SMIM41: variants seen among roughly 807,000 people sequenced by gnomAD.
SMIM41 encodes small integral membrane protein 41.
At position 52,107,463 on chromosome 12, in the gene SMIM41, C is replaced by T. The variant is rs562733122; in HGVS notation, c.*280C>T. 2 of 620,526 alleles carry T rather than the reference C, an allele frequency of 3.2e-6. No homozygotes were observed. Among genetic ancestry groups the T allele is most frequent in the South Asian group, 1.4e-5 (1 of 73,330 alleles). The allele number at this position is 620,526 out of a possible 1,614,324, so 38.4% of individuals were successfully genotyped here. ...TGGTCATGGTGCTGGGGAACCTGCTCATCATCCGGCCATGAGCCCTGACTC... is the reference window on the plus strand; with the variant it reads ...TGGTCATGGTGCTGGGGAACCTGCTTATCATCCGGCCATGAGCCCTGACTC... On this transcript the variant is annotated 3_prime_UTR_variant, in exon 3 of 3. Coordinates refer to ENST00000546390, the MANE Select transcript of SMIM41 (RefSeq NM_001369216.1).
At chr12:52,091,159 G>A (rs751818225) in intron 2 of SMIM41, among the ~76,000 whole-genome samples, 25 of 152,166 alleles carry the variant, frequency 1.6e-4, no homozygotes, top group Non-Finnish European at 3.4e-4. Context: ...CTACAGGGGT[G>A]TGCCACCACA....
chr12:52,080,550 G>C (rs1020595165), intron 1 of SMIM41, among the ~76,000 whole-genome samples: 9 of 152,162 alleles, frequency 5.9e-5, no homozygotes, highest in African/African-American at 2.2e-4. Context: ...AGTGTGCTTT[G>C]GGGGCTTCTT....
At chr12:52,097,926 C>G (rs1287320380) in intron 2 of SMIM41, among the ~76,000 whole-genome samples, 1 of 151,686 alleles carries the variant, frequency 6.6e-6, no homozygotes, top group Non-Finnish European at 1.5e-5. Context: ...CTGCCAAATT[C>G]GAAGGAATGT....
chr12:52,097,366 C>T (rs1206692848), intron 2 of SMIM41, among the ~76,000 whole-genome samples: 7 of 150,436 alleles, frequency 4.7e-5, no homozygotes, highest in African/African-American at 1.5e-4. Context: ...CCGGATATTA[C>T]GAGCCACATT....
chr12:52,096,636 C>G (rs1335301446), intron 2 of SMIM41, among the ~76,000 whole-genome samples: 2 of 151,036 alleles, frequency 1.3e-5, no homozygotes, highest in Admixed American at 1.3e-4. Context: ...AGATCAGTAC[C>G]GGTTATTAAT....
chr12:52,107,179 A>C, intron 2 of SMIM41, 200 bp from the exon 3 acceptor site: 1 of 357,516 alleles, frequency 2.8e-6, no homozygotes. Context: ...ATTTTGTCAG[A>C]ACTGCAAAAT....
At chr12:52,099,675 C>G (rs1394748711) in intron 2 of SMIM41, among the ~76,000 whole-genome samples, 1 of 151,972 alleles carries the variant, frequency 6.6e-6, no homozygotes, top group South Asian at 2.1e-4. Flanking sequence ...TTGTATACTA[C>G]CTGCGATATT....
chr12:52,103,012 A>G (rs1268215990), intron 2 of SMIM41, among the ~76,000 whole-genome samples: 1 of 152,216 alleles, frequency 6.6e-6, no homozygotes, highest in Non-Finnish European at 1.5e-5. Flanking sequence ...ATACAATGGA[A>G]GACTATTCAG....
intron 2 of SMIM41, among the ~76,000 whole-genome samples, chr12:52,087,015 C>T (rs1019047925): frequency 5.9e-5 from 9 of 152,310 alleles, no homozygotes; most frequent in South Asian, 4.1e-4. Context: ...AGAATGGTCA[C>T]GGGGTCCCAC....
At chr12:52,104,544 G>A (rs1018324614) in intron 2 of SMIM41, among the ~76,000 whole-genome samples, 1 of 152,132 alleles carries the variant, frequency 6.6e-6, no homozygotes, top group African/African-American at 2.4e-5. Context: ...GCTGAGGGAC[G>A]GTTGGGAGCC....
intron 2 of SMIM41, among the ~76,000 whole-genome samples, chr12:52,104,669 T>C (rs1940293283): frequency 6.9e-6 from 1 of 144,084 alleles, no homozygotes; most frequent in Admixed American, 6.8e-5. Context: ...TTCTTGGTTA[T>C]GGTCGGGGGG....
intron 2 of SMIM41, among the ~76,000 whole-genome samples, chr12:52,095,321 C>T (rs555726865): frequency 7.7e-4 from 116 of 151,410 alleles, no homozygotes; most frequent in Non-Finnish European, 1.3e-3. Context: ...CGCAGGGGGG[C>T]GGGCGCCCCC....
chr12:52,097,180 G>A lies in SMIM41; in HGVS notation c.*196-10199G>A, dbSNP rs1416276544. ...ATGATATTGTTCCTAATATTCAGGG[G>A]GGAAGAGTATGATATTGCTCCCAAT... On this transcript the variant is annotated intron_variant, in intron 2 of 2. Transcript: ENST00000546390. Among the ~76,000 whole-genome samples, 5 of 152,188 alleles carry A rather than the reference G, an allele frequency of 3.3e-5. No homozygotes were observed. In the South Asian group the frequency reaches 8.3e-4, roughly 25 times the overall value.
chr12:52,099,047 T>C (rs1018115734), intron 2 of SMIM41, among the ~76,000 whole-genome samples: 2 of 151,750 alleles, frequency 1.3e-5, no homozygotes, highest in Admixed American at 1.3e-4. Context: ...TATCACAGGC[T>C]GTGTACACCC....
chr12:52,097,775 G>A (rs1305708737), intron 2 of SMIM41, among the ~76,000 whole-genome samples: 1 of 151,968 alleles, frequency 6.6e-6, no homozygotes, highest in Non-Finnish European at 1.5e-5. Context: ...TGACGATATT[G>A]GGAGTAACAT....
At chr12:52,105,552 A>G (rs140511946) in intron 2 of SMIM41, among the ~76,000 whole-genome samples, 4,960 of 152,254 alleles carry the variant, frequency 0.033, 216 homozygotes, top group East Asian at 0.16. Flanking sequence ...GGTGTTCGAG[A>G]CCAGCCTGGC....
intron 2 of SMIM41, among the ~76,000 whole-genome samples, chr12:52,106,333 C>T (rs975649020): frequency 9.3e-5 from 14 of 151,206 alleles, no homozygotes; most frequent in Admixed American, 2.0e-4. Context: ...CTTCGACTTA[C>T]GTGATTCTTT....
chr12:52,101,714 G>GTT (rs879348592), intron 2 of SMIM41, among the ~76,000 whole-genome samples: 7 of 147,478 alleles, frequency 4.7e-5, no homozygotes, highest in Admixed American at 6.8e-5. Flanking sequence ...CTGTTTTTTT[G>GTT]TTTTTTTTTT....
chr12:52,106,365 G>A (rs111583637), intron 2 of SMIM41, among the ~76,000 whole-genome samples: 7 of 152,080 alleles, frequency 4.6e-5, no homozygotes, highest in African/African-American at 1.2e-4. Context: ...TTTTTGAGAC[G>A]GAGTTTTGCT....
Sources: gnomAD v4.1 joint callset for allele counts (sites outside exome capture counted in the v4.1 genomes callset) on GRCh38, gnomAD v4.1.1 for gene constraint, MANE v1.5 for transcripts, NCBI Gene and HGNC (gene_info 2026-07-23, HGNC 2026-07-21) for gene names.